KDM1A: variants seen among roughly 807,000 people sequenced by gnomAD.
KDM1A encodes lysine-specific histone demethylase 1A.
KDM1A carries 49 observed loss-of-function variants against 109.4 expected under a neutral mutation model. The ratio of observed to expected loss-of-function variants is 0.45; its 90% CI spans 0.36 to 0.57. The LOEUF is 0.57. Ranked by LOEUF, KDM1A falls within the 20% of genes least tolerant of loss-of-function variation. The probability of loss-of-function intolerance (pLI) is 0.00; values close to 1 mark genes in which losing one functional copy is unlikely to be tolerated. For missense variants in KDM1A, 668 were observed against 1,116.6 expected (o/e 0.60, Z 5.73); for synonymous variants, 380 against 415.4 (o/e 0.91, Z 1.04).
chr1:23,083,491 A>G lies in KDM1A; in HGVS notation c.*127A>G. ...ATCTGGGCTCCTGATCAGCTGATGG[A>G]GCTCCTGATTTGACAAAGGAGCTTG... On this transcript the variant is annotated 3_prime_UTR_variant, in exon 21 of 21. Coordinates refer to ENST00000400181, the MANE Select transcript of KDM1A (RefSeq NM_001009999.3). 1 of 894,406 alleles carries G rather than the reference A, an allele frequency of 1.1e-6. No homozygotes were observed. The highest frequency in any genetic ancestry group is 1.6e-6 in the Non-Finnish European group (1 of 614,464). The allele number at this position is 894,406 out of a possible 1,614,324, so 55.4% of individuals were successfully genotyped here.
intron 1 of KDM1A, 96 bp from the exon 2 acceptor site, chr1:23,030,373 G>A (rs1001146530): frequency 2.7e-5 from 25 of 925,500 alleles, no homozygotes; most frequent in South Asian, 6.1e-5. Context: ...CTTAAAATGT[G>A]AGGTTAACAA....
At chr1:23,042,731 C>T (rs1557529750) in intron 2 of KDM1A, among the ~76,000 whole-genome samples, 1 of 150,568 alleles carries the variant, frequency 6.6e-6, no homozygotes, top group Admixed American at 6.6e-5. Context: ...GGATTACAGG[C>T]GTGAGCCACC....
intron 2 of KDM1A, among the ~76,000 whole-genome samples, chr1:23,042,445 T>TA (rs1557528638): frequency 4.2e-5 from 3 of 71,278 alleles, no homozygotes; most frequent in Non-Finnish European, 8.9e-5. Context: ...ATATTATTTT[T>TA]TTTTTTTTTT....
chr1:23,050,465 T>C lies in KDM1A; in HGVS notation c.656T>C (p.Ile219Thr), dbSNP rs777578073. The C allele has an allele frequency of 1.4e-5, 23 of 1,613,408 alleles. No individual in the cohort carries two copies. Among genetic ancestry groups the C allele is most frequent in the Non-Finnish European group, 1.7e-5 (20 of 1,179,692 alleles). The change falls in exon 4 of 21, where the codon ATT (isoleucine) becomes ACT (threonine). Residue 219 changes from isoleucine to threonine, a missense_variant. By Grantham distance (89) the Ile-to-Thr change is moderately conservative. Transcript: ENST00000400181. ...CAAGAAGCAGCCTGTTTTCCAGATATTATCAGTGGACCACAACAGACCCAG... is the reference window on the plus strand; with the variant it reads ...CAAGAAGCAGCCTGTTTTCCAGATACTATCAGTGGACCACAACAGACCCAG... ...TSQEAACFPDIISGPQQTQKV... is the reference protein window; with the variant it reads ...TSQEAACFPDTISGPQQTQKV...
rs1253925856 is a variant in KDM1A at position 23,019,924 on chromosome 1, A to G, written c.328A>G (p.Thr110Ala). The stretch of plus-strand genomic sequence containing the variant: ...AGCAGAGACTCCGGAGGGGCGTCGG[A>G]CCAGCCGGCGCAAGCGGGCGAAGGT... Reference protein sequence around the residue: ...GIAETPEGRRTSRRKRAKVEY... With the variant: ...GIAETPEGRRASRRKRAKVEY... Residue 110 changes from threonine (T) to alanine (A), a missense_variant, in exon 1 of 21, where the codon ACC (threonine) becomes GCC (alanine). Coordinates refer to ENST00000400181, the MANE Select transcript of KDM1A (RefSeq NM_001009999.3). 6.4e-7 allele frequency: 1 copy of G among 1,570,494 alleles called. No homozygotes were observed. Among genetic ancestry groups the G allele is most frequent in the South Asian group, 1.1e-5 (1 of 87,236 alleles).
At chr1:23,068,391 TAGAAA>T in intron 10 of KDM1A, 143 bp from the exon 11 acceptor site, 3 of 607,320 alleles carry the variant, frequency 4.9e-6, no homozygotes, top group Non-Finnish European at 8.0e-6. Flanking sequence ...GACCACTTCA[TAGAAA>T]AGAAAATTTG....
intron 2 of KDM1A, among the ~76,000 whole-genome samples, chr1:23,042,599 C>G (rs1323305352): frequency 1.4e-5 from 2 of 148,008 alleles, no homozygotes; most frequent in Admixed American, 1.3e-4. Context: ...ACTACAGGCG[C>G]CCGCCACTAC....
chr1:23,044,314 G>T, intron 2 of KDM1A, 113 bp from the exon 3 acceptor site: 1 of 856,594 alleles, frequency 1.2e-6, no homozygotes, highest in East Asian at 2.8e-5. Context: ...CTCTGAATAT[G>T]GGTTTACTAG....
rs942724254 is a variant in KDM1A at position 23,047,382 on chromosome 1, A to G, written c.577+2896A>G. Among the ~76,000 whole-genome samples the G allele has an allele frequency of 3.9e-5, 6 of 152,188 alleles. No individual in the cohort carries two copies. In the South Asian group the frequency reaches 6.2e-4, roughly 16 times the overall value. ...TGATATCAGAGTATTGAGAATAGCTAGTTTTCTTAGATGCTGTTTAGAAGA... is the reference window on the plus strand; with the variant it reads ...TGATATCAGAGTATTGAGAATAGCTGGTTTTCTTAGATGCTGTTTAGAAGA... On this transcript the variant is annotated intron_variant, in intron 3 of 20. Transcript: ENST00000400181.
At chr1:23,073,943 A>G (rs1643390849) in intron 15 of KDM1A, among the ~76,000 whole-genome samples, 1 of 152,230 alleles carries the variant, frequency 6.6e-6, no homozygotes, top group African/African-American at 2.4e-5. Flanking sequence ...CTGCTAATGA[A>G]CGAAGCTGCT....
chr1:23,057,568 A>T lies in KDM1A; in HGVS notation c.1072+3A>T. 6.2e-7 allele frequency: 1 copy of T among 1,610,416 alleles called. No individual in the cohort carries two copies. Among genetic ancestry groups the T allele is most frequent in the Non-Finnish European group, 8.5e-7 (1 of 1,176,728 alleles). ...AGCCATGGTGGTAACAGGTCTTGGT[A>T]AGTAGCTATTGGTTTGTGCTATATA... On this transcript the variant is annotated splice_donor_region_variant and intron_variant, in intron 8 of 20. Coordinates refer to ENST00000400181, the MANE Select transcript of KDM1A (RefSeq NM_001009999.3).
chr1:23,083,071 G>T, intron 20 of KDM1A, 108 bp from the exon 21 acceptor site: 1 of 936,072 alleles, frequency 1.1e-6, no homozygotes, highest in East Asian at 2.5e-5. Flanking sequence ...GTAATTGGGG[G>T]GGTCAGCCTT....
At chr1:23,083,140 T>C (rs1449423248) in intron 20 of KDM1A, 39 bp from the exon 21 acceptor site, 4 of 1,579,780 alleles carry the variant, frequency 2.5e-6, no homozygotes, top group Non-Finnish European at 3.5e-6. Flanking sequence ...TAAAGGTATA[T>C]GTGCAGCCTG....
At position 23,030,455 on chromosome 1, in the gene KDM1A, T is replaced by C. The variant is rs1641949215; in HGVS notation, c.352-14T>C. On this transcript the variant is annotated splice_polypyrimidine_tract_variant and intron_variant, in intron 1 of 20. Transcript: ENST00000400181. ...TCACTGCATTTAGCTTTCCCTGGTA[T>C]GATCTCCATATAGGTAGAGTACAGA... The C allele has an allele frequency of 6.7e-7, 1 of 1,499,892 alleles. No homozygotes were observed. The highest frequency in any genetic ancestry group is 2.5e-5 in the Admixed American group (1 of 40,774). 92.9% of individuals were successfully genotyped at this position (1,499,892 alleles called of 1,614,324 possible). A position where few individuals can be genotyped will look rare whatever the true frequency, so the allele number is the denominator to read the frequency against.
intron 15 of KDM1A, among the ~76,000 whole-genome samples, chr1:23,073,736 G>C (rs1643384216): frequency 6.6e-6 from 1 of 152,218 alleles, no homozygotes; most frequent in South Asian, 2.1e-4. Flanking sequence ...TTCATATAAA[G>C]TGAATCATAC....
At chr1:23,039,533 A>G (rs768077143) in intron 2 of KDM1A, among the ~76,000 whole-genome samples, 2 of 152,158 alleles carry the variant, frequency 1.3e-5, no homozygotes, top group Non-Finnish European at 2.9e-5. Context: ...CTTTTCCTTC[A>G]TTACTACTAA....
At chr1:23,075,715 A>C (rs1643444135) in intron 15 of KDM1A, among the ~76,000 whole-genome samples, 1 of 152,332 alleles carries the variant, frequency 6.6e-6, no homozygotes, top group African/African-American at 2.4e-5. Flanking sequence ...TGGGAGGCCA[A>C]GGCAGGCGGA....
intron 2 of KDM1A, among the ~76,000 whole-genome samples, chr1:23,040,645 A>G (rs1984576): frequency 0.44 from 66,509 of 151,424 alleles, 15,195 homozygotes; most frequent in East Asian, 0.55. Context: ...AAAATTAGCC[A>G]GGTATGGTGG....
At chr1:23,082,409 C>G in intron 20 of KDM1A, 43 bp downstream of exon 20, 2 of 1,529,410 alleles carry the variant, frequency 1.3e-6, no homozygotes, top group South Asian at 1.3e-5. Context: ...GGGAAGAGGC[C>G]AGGATCTCAT....
Sources: allele counts gnomAD v4.1 joint callset (sites outside exome capture counted in the v4.1 genomes callset), GRCh38; gene constraint gnomAD v4.1.1; transcripts MANE v1.5; gene names NCBI Gene and HGNC (gene_info 2026-07-23, HGNC 2026-07-21).